CNNM2: variants seen among roughly 807,000 people sequenced by gnomAD.
The protein encoded by CNNM2 is metal transporter CNNM2.
In CNNM2, 12 loss-of-function variants were observed where a neutral mutation model predicts 66.9. The ratio of observed to expected loss-of-function variants is 0.18; its 90% confidence interval spans 0.11 to 0.29. The LOEUF is 0.29. Among genes scored for constraint, CNNM2 ranks in the 10% least tolerant of loss-of-function variants. CNNM2 has a pLI of 1.00. For missense variants in CNNM2, 705 were observed against 1,167.7 expected, an observed-to-expected ratio of 0.60 and a Z score of 5.77; for synonymous variants, 557 against 501.8, an observed-to-expected ratio of 1.11 and a Z score of -1.47.
intron 1 of CNNM2, among the ~76,000 whole-genome samples, chr10:103,033,377 A>G (rs1030377361): frequency 6.6e-6 from 1 of 151,956 alleles, no homozygotes; most frequent in African/African-American, 2.4e-5. Context: ...TTTTTAGTAG[A>G]GACGGGGTTT....
chr10:103,035,440 T>A (rs926973177), intron 1 of CNNM2, among the ~76,000 whole-genome samples: 2 of 152,106 alleles, frequency 1.3e-5, no homozygotes, highest in Non-Finnish European at 2.9e-5. Flanking sequence ...CCAAAAAAGA[T>A]GAAGTGGAGA....
At chr10:102,934,596 A>G (rs1846171511) in intron 1 of CNNM2, among the ~76,000 whole-genome samples, 1 of 152,012 alleles carries the variant, frequency 6.6e-6, no homozygotes, top group African/African-American at 2.4e-5. Flanking sequence ...CACCGGCCAA[A>G]TCTATTTCTT....
At chr10:102,955,209 T>C (rs1846990282) in intron 1 of CNNM2, among the ~76,000 whole-genome samples, 1 of 152,084 alleles carries the variant, frequency 6.6e-6, no homozygotes, top group Non-Finnish European at 1.5e-5. Context: ...AACAGAGGCC[T>C]CAGAAATAAC....
chr10:102,978,139 G>T (rs1285172411), intron 1 of CNNM2, among the ~76,000 whole-genome samples: 1 of 151,418 alleles, frequency 6.6e-6, no homozygotes, highest in Non-Finnish European at 1.5e-5. Flanking sequence ...TCAAACTCCT[G>T]ACCTCGTGAT....
intron 6 of CNNM2, among the ~76,000 whole-genome samples, chr10:103,073,861 TC>T (rs1318016836): frequency 1.2e-5 from 1 of 86,066 alleles, no homozygotes. Context: ...AGAGCGAGAC[TC>T]CGTCTCAAAA....
chr10:102,981,415 AT>A (rs1251502150), intron 1 of CNNM2, among the ~76,000 whole-genome samples: 1 of 151,806 alleles, frequency 6.6e-6, no homozygotes, highest in Admixed American at 6.6e-5. Context: ...TTACCTCTGG[AT>A]CCCCACATCA....
chr10:102,986,092 T>A (rs2063793123), intron 1 of CNNM2, among the ~76,000 whole-genome samples: 1 of 152,182 alleles, frequency 6.6e-6, no homozygotes, highest in African/African-American at 2.4e-5. Flanking sequence ...CTGTTTTACT[T>A]AGAGAAAGTC....
At chr10:103,039,285 C>T (rs1267021121) in intron 1 of CNNM2, among the ~76,000 whole-genome samples, 1 of 152,098 alleles carries the variant, frequency 6.6e-6, no homozygotes, top group Non-Finnish European at 1.5e-5. Flanking sequence ...TACAGGAGTG[C>T]ACCACCATGC....
chr10:102,987,747 C>G (rs1305869474), intron 1 of CNNM2, among the ~76,000 whole-genome samples: 1 of 152,104 alleles, frequency 6.6e-6, no homozygotes, highest in Non-Finnish European at 1.5e-5. Flanking sequence ...GGTTTGCAAC[C>G]TCTGCTCTAA....
chr10:103,017,158 C>T (rs572518875), intron 1 of CNNM2, among the ~76,000 whole-genome samples: 35 of 152,226 alleles, frequency 2.3e-4, no homozygotes, highest in Middle Eastern at 6.8e-3. Context: ...TTTTCTTTTA[C>T]GCTGTTCGTC....
intron 1 of CNNM2, among the ~76,000 whole-genome samples, chr10:103,040,780 C>T (rs2065026721): frequency 6.6e-6 from 1 of 152,130 alleles, no homozygotes; most frequent in South Asian, 2.1e-4. Context: ...CATCCCTGCC[C>T]AGATGTCTCT....
At chr10:102,927,481 T>C (rs1845910783) in intron 1 of CNNM2, 13 of 1,586,138 alleles carry the variant, frequency 8.2e-6, no homozygotes, top group Non-Finnish European at 1.1e-5. Flanking sequence ...GGCAGTTGGC[T>C]GGGCGTGGTG....
rs72843977 is a variant in CNNM2 at position 103,074,480 on chromosome 10, A to G, written c.2234-1606A>G. Among the ~76,000 whole-genome samples the G allele has an allele frequency of 0.018, 2,694 of 152,342 alleles. 35 individuals carry two copies. The highest frequency in any genetic ancestry group is 0.031 in the Non-Finnish European group (2,097 of 68,022). On this transcript the variant is annotated intron_variant, in intron 6 of 7. Coordinates refer to ENST00000369878, the MANE Select transcript of CNNM2 (RefSeq NM_017649.5). The stretch of plus-strand genomic sequence containing the variant: ...CTGCCACTCTGAATTTAATTTGTCT[A>G]ACAATGGAAAATTAGTTCATGACTT...
At chr10:103,026,009 G>C (rs548328642) in intron 1 of CNNM2, among the ~76,000 whole-genome samples, 11 of 152,330 alleles carry the variant, frequency 7.2e-5, no homozygotes, top group Non-Finnish European at 1.2e-4. Flanking sequence ...AGTTAGGTTA[G>C]TTACTGTGAG....
At chr10:102,936,184 G>A (rs1352837827) in intron 1 of CNNM2, among the ~76,000 whole-genome samples, 1 of 152,084 alleles carries the variant, frequency 6.6e-6, no homozygotes, top group Non-Finnish European at 1.5e-5. Context: ...TCAACTCGGA[G>A]CCTCTGCGGA....
At chr10:103,049,017 T>C (rs1055629343) in intron 1 of CNNM2, among the ~76,000 whole-genome samples, 1 of 152,176 alleles carries the variant, frequency 6.6e-6, no homozygotes, top group Non-Finnish European at 1.5e-5. Flanking sequence ...CTTTTTCTGT[T>C]TATTTTTTTG....
In CNNM2 at chr10:103,081,368, G is replaced by A. The variant is rs781712355; in HGVS notation, c.*4188G>A. 1 of 152,254 alleles carries A rather than the reference G, an allele frequency of 6.6e-6. No individual in the cohort carries two copies. The allele number at this position is 152,254 out of a possible 1,614,324, so 9.4% of individuals were successfully genotyped here. A position where few individuals can be genotyped will look rare whatever the true frequency, so the allele number is the denominator to read the frequency against. ...TTCCATTCTGGGCTCTAGGCTAGTG[G>A]TGCTTCTGTCCATCAAGGGTATCTG... On this transcript the variant is annotated 3_prime_UTR_variant, in exon 8 of 8. Coordinates refer to ENST00000369878, the MANE Select transcript of CNNM2 (RefSeq NM_017649.5).
chr10:102,919,512 C>G lies in CNNM2; in HGVS notation c.1032C>G (p.Ala344=). ...ACATCGCCGGCTCGGGCCTCGTGGCCGTGGTAGTCTCCACCATCGGTATCG... is the reference window on the plus strand; with the variant it reads ...ACATCGCCGGCTCGGGCCTCGTGGCGGTGGTAGTCTCCACCATCGGTATCG... ...LDDIAGSGLV[A]VVVSTIGIVI... Residue 344 remains alanine, a synonymous_variant, in exon 1 of 8, where the codon GCC becomes GCG. Coordinates refer to ENST00000369878, the MANE Select transcript of CNNM2 (RefSeq NM_017649.5). 2 of 1,612,964 alleles carry G rather than the reference C, an allele frequency of 1.2e-6. No homozygotes were observed. The highest frequency in any genetic ancestry group is 8.5e-7 in the Non-Finnish European group (1 of 1,180,038).
At chr10:102,937,577 C>T (rs1846282923) in intron 1 of CNNM2, among the ~76,000 whole-genome samples, 1 of 152,124 alleles carries the variant, frequency 6.6e-6, no homozygotes, top group Non-Finnish European at 1.5e-5. Flanking sequence ...TTCTGAACCA[C>T]CTGTGCTTGA....
Sources: allele counts gnomAD v4.1 joint callset (sites outside exome capture counted in the v4.1 genomes callset), GRCh38; gene constraint gnomAD v4.1.1; transcripts MANE v1.5; gene names NCBI Gene and HGNC (gene_info 2026-07-23, HGNC 2026-07-21).